DLL1: variants seen among roughly 807,000 people sequenced by gnomAD.
DLL1 encodes delta-like protein 1.
A neutral mutation model predicts 75.1 loss-of-function variants in DLL1; 9 were observed. That is an observed-to-expected ratio of 0.12 (90% confidence interval 0.07 to 0.21). DLL1 has a LOEUF of 0.21. DLL1 is among the 10% of genes least tolerant of loss of function. DLL1 has a pLI of 1.00. For synonymous variants in DLL1, 477 were observed against 418.3 expected, an observed-to-expected ratio of 1.14 and a Z score of -1.71; for missense variants, 837 against 1,007.6, an observed-to-expected ratio of 0.83 and a Z score of 2.29.
intron 2 of DLL1, 27 bp downstream of exon 2, chr6:170,289,484 GC>G (rs1472002686): frequency 6.5e-7 from 1 of 1,527,522 alleles, no homozygotes; most frequent in African/African-American, 1.4e-5. Context: ...TTCAGGGCCG[GC>G]CCGGCGCGCG....
chr6:170,284,198 C>T (rs967340306), intron 8 of DLL1, among the ~76,000 whole-genome samples, 169 bp from the exon 9 acceptor site: 20 of 152,190 alleles, frequency 1.3e-4, no homozygotes, highest in African/African-American at 3.4e-4. Context: ...ACCTCAAATA[C>T]GAGAGGTGTC....
rs1266347888 is a variant in DLL1 at position 170,285,287 on chromosome 6, G to A, written c.999C>T (p.Asp333=). The A allele has an allele frequency of 6.2e-7, 1 of 1,614,146 alleles. No homozygotes were observed. The highest frequency in any genetic ancestry group is 1.1e-5 in the South Asian group (1 of 91,088). ...ATCELGIDEC[D]PSPCKNGGSC... ...TCCCTCCGTTCTTACAAGGGCTGGGGTCACACTCGTCAATCCCCAGCTCGC... is the reference window on the plus strand; with the variant it reads ...TCCCTCCGTTCTTACAAGGGCTGGGATCACACTCGTCAATCCCCAGCTCGC... The change falls in exon 7 of 11, where the codon GAC becomes GAT. Residue 333 remains aspartate (D), a synonymous_variant. Transcript: ENST00000366756.
In DLL1 at chr6:170,283,458, G is replaced by A. The variant is rs142517687; in HGVS notation, c.1821C>T (p.Ile607=). 161 of 1,612,654 alleles carry A rather than the reference G, an allele frequency of 1.0e-4. No homozygotes were observed. The highest frequency in any genetic ancestry group is 9.1e-4 in the African/African-American group (68 of 75,050). ...TGGTGTTCTTGATCTGCGTGGCCCCGATGATGCTGACTGAGATGTCCTTCT... is the reference window on the plus strand; with the variant it reads ...TGGTGTTCTTGATCTGCGTGGCCCCAATGATGCTGACTGAGATGTCCTTCT... ...QREKDISVSI[I]GATQIKNTNK... is the part of the protein sequence containing the mutation. Residue 607 remains isoleucine (I), a synonymous_variant, in exon 9 of 11, where the codon ATC becomes ATT. Coordinates refer to ENST00000366756, the MANE Select transcript of DLL1 (RefSeq NM_005618.4).
intron 10 of DLL1, 41 bp from the exon 11 acceptor site, chr6:170,282,920 G>C (rs776405532): frequency 9.9e-6 from 16 of 1,614,094 alleles, no homozygotes; most frequent in South Asian, 8.8e-5. Flanking sequence ...GCCTGAGACC[G>C]ATTCCCGTGC....
At position 170,289,717 on chromosome 6, in the gene DLL1, G is replaced by A. The variant is rs1783805782; in HGVS notation, c.146C>T (p.Ala49Val). The change falls in exon 2 of 11, where the codon GCG (alanine) becomes GTG (valine). Residue 49 changes from alanine (A) to valine (V), a missense_variant. This residue lies in a region of DLL1 where 304 missense variants were observed against 461.9 expected (regional missense o/e 0.66). Transcript: ENST00000366756. ...CCGGCAGGCGCACGGCGGTGGCCCC[G>A]CGCCCCCGCGGCAGCAGTTGCGGTT... ...LGNRNCCRGG[A>V]GPPPCACRTF... 3.9e-6 allele frequency: 6 copies of A among 1,549,318 alleles called. No homozygotes were observed. The highest frequency in any genetic ancestry group is 5.2e-6 in the Non-Finnish European group (6 of 1,146,730).
In DLL1 at chr6:170,282,508, T is replaced by C. The variant is rs1314241678; in HGVS notation, c.*366A>G. 2 of 388,226 alleles carry C rather than the reference T, an allele frequency of 5.2e-6. No individual in the cohort carries two copies. Among genetic ancestry groups the C allele is most frequent in the Non-Finnish European group, 9.3e-6 (2 of 215,372 alleles). 24.0% of individuals were successfully genotyped at this position (388,226 alleles called of 1,614,324 possible). A position where few individuals can be genotyped will look rare whatever the true frequency, so the allele number is the denominator to read the frequency against. ...CACATCTTCGTATCAAAAAGGACAA[T>C]AAAGGCAGTGTTTGTGTTTCTAATT... is the stretch of plus-strand genomic sequence containing the variant. On this transcript the variant is annotated 3_prime_UTR_variant, in exon 11 of 11. Transcript: ENST00000366756.
In DLL1 at chr6:170,290,965, G is replaced by A; in HGVS notation, c.-826C>T. The stretch of plus-strand genomic sequence containing the variant: ...GCGCCTGCCGCCCTTATATTCAGCC[G>A]GCCGCCCGCATGGCTAATGAGATGC... On this transcript the variant is annotated 5_prime_UTR_variant, in exon 1 of 11. Transcript: ENST00000366756. The surrounding 1 kb of genome is among the most constrained non-coding windows in gnomAD (Gnocchi z 4.7). The A allele has an allele frequency of 4.3e-6, 3 of 701,112 alleles. No homozygotes were observed. The highest frequency in any genetic ancestry group is 2.7e-5 in the East Asian group (1 of 37,192). The allele number at this position is 701,112 out of a possible 1,614,324, so 43.4% of individuals were successfully genotyped here.
chr6:170,286,903 C>T (rs577010394), intron 4 of DLL1, among the ~76,000 whole-genome samples: 5 of 152,280 alleles, frequency 3.3e-5, no homozygotes, highest in Admixed American at 6.5e-5. Context: ...ATCTATGGCA[C>T]GCGCGAGCTG....
chr6:170,282,550 C>T lies in DLL1; in HGVS notation c.*324G>A, dbSNP rs1360996340. ...TTTCTAATTCAAGAAAAGACTGGCT[C>T]ATAAGAATCCAAAATATACACTCAG... On this transcript the variant is annotated 3_prime_UTR_variant, in exon 11 of 11. Transcript: ENST00000366756. The T allele has an allele frequency of 3.9e-6, 2 of 518,554 alleles. No individual in the cohort carries two copies. Among genetic ancestry groups the T allele is most frequent in the South Asian group, 2.7e-5 (1 of 37,642 alleles). The allele number at this position is 518,554 out of a possible 1,614,324, so 32.1% of individuals were successfully genotyped here.
intron 5 of DLL1, 62 bp from the exon 6 acceptor site, chr6:170,285,761 C>A: frequency 6.2e-7 from 1 of 1,607,804 alleles, no homozygotes; most frequent in Non-Finnish European, 8.5e-7. Flanking sequence ...AGTGGACATT[C>A]TCACCCTAGA....
chr6:170,287,364 T>A (rs1044106574), intron 4 of DLL1, among the ~76,000 whole-genome samples: 1 of 152,182 alleles, frequency 6.6e-6, no homozygotes, highest in Non-Finnish European at 1.5e-5. Flanking sequence ...CTGGAGTTTC[T>A]GGGCAGCTCC....
In DLL1 at chr6:170,283,340, G is replaced by C; in HGVS notation, c.1939C>G (p.Leu647Val). 6.2e-7 allele frequency: 1 copy of C among 1,612,872 alleles called. No individual in the cohort carries two copies. Among genetic ancestry groups the C allele is most frequent in the Non-Finnish European group, 8.5e-7 (1 of 1,180,044 alleles). The change falls in exon 9 of 11, where the codon CTC becomes GTC. Residue 647 changes from leucine (L) to valine (V), a missense_variant. Physicochemically the swap from Leu to Val is conservative, Grantham distance 32 (BLOSUM62 1). Transcript: ENST00000366756. ...PAVDYNLVQD[L>V]KGDDTAVRDA... ...CTGACGGCGGTGTCGTCACCCTTGA[G>C]GTCCTGCACGAGGTTATAGTCCACC...
intron 5 of DLL1, 85 bp downstream of exon 5, chr6:170,286,153 C>A (rs1783690431): frequency 6.4e-7 from 1 of 1,553,074 alleles, no homozygotes; most frequent in Non-Finnish European, 8.9e-7. Context: ...GAATGATCAC[C>A]TAGGGCTGTT....
rs756424885 is a variant in DLL1 at position 170,285,356 on chromosome 6, C to G, written c.930G>C (p.Gly310=). 1.1e-5 allele frequency: 18 copies of G among 1,614,100 alleles called. No individual in the cohort carries two copies. The highest frequency in any genetic ancestry group is 2.7e-5 in the African/African-American group (2 of 74,938). Residue 310 remains glycine, a synonymous_variant, in exon 7 of 11, where the codon GGG becomes GGC. Transcript: ENST00000366756. ...NGATCTNTGQ[G]SYTCSCRPGY... Reference sequence around the variant, plus strand: ...CAGGCCGGCAAGAGCAAGTGTAGCTCCCCTGGCCCGTGTTGGTGCAGGTGG... The same window carrying G: ...CAGGCCGGCAAGAGCAAGTGTAGCTGCCCTGGCCCGTGTTGGTGCAGGTGG...
chr6:170,283,813 G>C lies in DLL1; in HGVS notation c.1466C>G (p.Pro489Arg). ...SAPVSRCEHAPCHNGATCHER... is the reference protein window; with the variant it reads ...SAPVSRCEHARCHNGATCHER... ...GTGGCAGGTGGCCCCATTGTGGCAGGGTGCGTGCTCGCACCTGCTGACGGG... is the reference window on the plus strand; with the variant it reads ...GTGGCAGGTGGCCCCATTGTGGCAGCGTGCGTGCTCGCACCTGCTGACGGG... Residue 489 changes from proline to arginine, a missense_variant, in exon 9 of 11, where the codon CCC becomes CGC. Physicochemically the swap from Pro to Arg is moderately radical, Grantham distance 103. This residue lies in a region of DLL1 where 533 missense variants were observed against 545.7 expected (regional missense o/e 0.98). Transcript: ENST00000366756. The C allele has an allele frequency of 6.3e-7, 1 of 1,594,642 alleles. No homozygotes were observed. The highest frequency in any genetic ancestry group is 2.3e-5 in the East Asian group (1 of 43,734).
At chr6:170,286,982 G>C (rs1172147948) in intron 4 of DLL1, among the ~76,000 whole-genome samples, 2 of 152,220 alleles carry the variant, frequency 1.3e-5, no homozygotes, top group African/African-American at 4.8e-5. Flanking sequence ...GGTGAAGAGA[G>C]GCAGGGAGGA....
intron 2 of DLL1, 102 bp downstream of exon 2, chr6:170,289,410 T>C: frequency 6.7e-7 from 1 of 1,484,414 alleles, no homozygotes; most frequent in South Asian, 1.2e-5. Context: ...CCTCGCGGGG[T>C]CCCCGAGGTC....
At chr6:170,283,210 T>C (rs757551105) in intron 9 of DLL1, 21 bp downstream of exon 9, 8 of 1,613,026 alleles carry the variant, frequency 5.0e-6, no homozygotes, top group South Asian at 4.4e-5. Context: ...CCCCTCCTGA[T>C]GCCCGGCCCG....
chr6:170,284,744 C>T lies in DLL1; in HGVS notation c.1249+175G>A, dbSNP rs2273214. On this transcript the variant is annotated intron_variant, in intron 8 of 10. Coordinates refer to ENST00000366756, the MANE Select transcript of DLL1 (RefSeq NM_005618.4). ...AACTTCATAACAAATGCCCTGGCCTCTCTCATTCCCCAGGCCTTTCCAGAC... is the reference window on the plus strand; with the variant it reads ...AACTTCATAACAAATGCCCTGGCCTTTCTCATTCCCCAGGCCTTTCCAGAC... Among the ~76,000 whole-genome samples the T allele has an allele frequency of 0.053, 8,052 of 152,256 alleles. 1,087 individuals are homozygous for T. The East Asian group carries it at 0.57, about 11-fold the overall frequency.
Sources: gnomAD v4.1 joint callset for allele counts (sites outside exome capture counted in the v4.1 genomes callset) on GRCh38, gnomAD v4.1.1 for gene constraint, gnomAD v4.1.1 regional missense constraint, Gnocchi (gnomAD v3.1) non-coding constraint, MANE v1.5 for transcripts, NCBI Gene and HGNC (gene_info 2026-07-23, HGNC 2026-07-21) for gene names.